Variants in PAK2 observed in about 807,000 individuals in gnomAD.
The protein encoded by PAK2 is serine/threonine-protein kinase PAK 2.
PAK2 carries 21 observed loss-of-function variants against 65.9 expected under a neutral mutation model. The observed-to-expected ratio is 0.32, with a 90% CI of 0.23 to 0.46. The LOEUF is 0.46. PAK2 is among the 20% of genes least tolerant of loss of function. PAK2 has a pLI of 1.00. For synonymous variants in PAK2, 204 were observed against 219.7 expected (o/e 0.93, Z 0.63); for missense variants, 324 against 642.6 (o/e 0.50, Z 5.36).
chr3:196,825,032 A>G lies in PAK2; in HGVS notation c.1351-2164A>G, dbSNP rs138413168. The stretch of plus-strand genomic sequence containing the variant: ...AATTTTCTGTAAACCTAAAACTTCT[A>G]AAAAATTAGTCAGTTAAAAATAATA... On this transcript the variant is annotated intron_variant, in intron 13 of 14. Transcript: ENST00000327134. 2.0e-5 allele frequency among the ~76,000 whole-genome samples: 3 copies of G among 151,944 alleles called. No individual in the cohort carries two copies. The East Asian group carries it at 5.8e-4, about 29-fold the overall frequency.
At position 196,805,402 on chromosome 3, in the gene PAK2, TTCTTGTATC is replaced by T. The variant is rs1715554580; in HGVS notation, c.468+26_468+34del. Reference sequence around the variant, plus strand: ...ACCAGCAGTAAGTTAATTATATTATTTCTTGTATCTCTTGTTCTAATTTAGGTTACCCAA... The same window carrying T: ...ACCAGCAGTAAGTTAATTATATTATTTCTTGTTCTAATTTAGGTTACCCAA... On this transcript the variant is annotated intron_variant, in intron 5 of 14. Coordinates refer to ENST00000327134, the MANE Select transcript of PAK2 (RefSeq NM_002577.4). 1.6e-6 allele frequency: 2 copies of T among 1,214,316 alleles called. No homozygotes were observed. Among genetic ancestry groups the T allele is most frequent in the African/African-American group, 3.1e-5 (2 of 63,762 alleles). 75.2% of individuals were successfully genotyped at this position (1,214,316 alleles called of 1,614,324 possible).
chr3:196,807,538 C>G (rs890474780), intron 6 of PAK2, among the ~76,000 whole-genome samples: 22 of 152,142 alleles, frequency 1.4e-4, no homozygotes, highest in African/African-American at 5.3e-4. Flanking sequence ...AAATTTCATT[C>G]ATGGACCTGC....
chr3:196,803,992 C>T (rs940297375), intron 4 of PAK2, among the ~76,000 whole-genome samples: 1 of 152,178 alleles, frequency 6.6e-6, no homozygotes, highest in African/African-American at 2.4e-5. Flanking sequence ...GGCTTCCCCT[C>T]CCACACACTG....
intron 4 of PAK2, among the ~76,000 whole-genome samples, chr3:196,803,795 C>T (rs73891513): frequency 6.6e-6 from 1 of 152,134 alleles, no homozygotes; most frequent in Admixed American, 6.6e-5. Context: ...GTTTGATGTA[C>T]TTTGTTTTCC....
At chr3:196,816,683 G>A (rs1454890607) in intron 11 of PAK2, among the ~76,000 whole-genome samples, 1 of 152,138 alleles carries the variant, frequency 6.6e-6, no homozygotes. Context: ...GATTTTGGAT[G>A]AGATTTTTAG....
At chr3:196,767,667 T>C (rs1016783707) in intron 1 of PAK2, among the ~76,000 whole-genome samples, 1 of 151,982 alleles carries the variant, frequency 6.6e-6, no homozygotes, top group Non-Finnish European at 1.5e-5. Flanking sequence ...TTTTTCTGTG[T>C]GTGCTTTTAG....
chr3:196,788,169 T>C (rs1215657021), intron 2 of PAK2, among the ~76,000 whole-genome samples: 2 of 152,226 alleles, frequency 1.3e-5, no homozygotes, highest in East Asian at 3.8e-4. Context: ...TCGGTTTTGG[T>C]GTAGAAGGGA....
chr3:196,747,941 T>C (rs1713445276), intron 1 of PAK2, among the ~76,000 whole-genome samples: 2 of 152,298 alleles, frequency 1.3e-5, no homozygotes, highest in South Asian at 4.1e-4. Flanking sequence ...AGATCTTTCA[T>C]GATCACCTCT....
At chr3:196,792,455 C>G (rs1265607113) in intron 2 of PAK2, among the ~76,000 whole-genome samples, 1 of 152,076 alleles carries the variant, frequency 6.6e-6, no homozygotes. Context: ...TAACAGTTTC[C>G]TTTCCCTCTG....
At chr3:196,767,752 C>T (rs377591618) in intron 1 of PAK2, among the ~76,000 whole-genome samples, 106 of 152,222 alleles carry the variant, frequency 7.0e-4, no homozygotes, top group African/African-American at 2.4e-3. Flanking sequence ...CTTCGGCCTC[C>T]CAGAGTGCTG....
intron 2 of PAK2, among the ~76,000 whole-genome samples, chr3:196,785,829 A>AACTCCCC (rs1714871098): frequency 6.6e-6 from 1 of 152,016 alleles, no homozygotes; most frequent in South Asian, 2.1e-4. Context: ...TGTGCAGGGA[A>AACTCCCC]ACTCCCCCTT....
chr3:196,778,297 A>T (rs541823353), intron 1 of PAK2, among the ~76,000 whole-genome samples: 5 of 152,094 alleles, frequency 3.3e-5, no homozygotes, highest in African/African-American at 1.2e-4. Context: ...TCATCAGTTG[A>T]TGGATATTTG....
intron 1 of PAK2, among the ~76,000 whole-genome samples, chr3:196,763,442 C>A (rs2108722699): frequency 6.6e-6 from 1 of 152,204 alleles, no homozygotes; most frequent in Middle Eastern, 3.4e-3. Flanking sequence ...ATCGACAAAG[C>A]TTAGCATCGT....
chr3:196,777,730 T>A (rs968082166), intron 1 of PAK2, among the ~76,000 whole-genome samples: 2 of 152,212 alleles, frequency 1.3e-5, no homozygotes, highest in African/African-American at 4.8e-5. Context: ...TACGTGTTGG[T>A]CTTTCTCCAG....
chr3:196,747,875 G>A (rs1366359354), intron 1 of PAK2, among the ~76,000 whole-genome samples: 1 of 151,970 alleles, frequency 6.6e-6, no homozygotes, highest in African/African-American at 2.4e-5. Flanking sequence ...TCTCACGTTG[G>A]GACCTTTAGA....
intron 1 of PAK2, among the ~76,000 whole-genome samples, chr3:196,745,275 C>G (rs1374583547): frequency 1.4e-5 from 2 of 146,556 alleles, no homozygotes; most frequent in Non-Finnish European, 3.0e-5. Context: ...ACCATCGCAC[C>G]CAACTGATTT....
intron 1 of PAK2, among the ~76,000 whole-genome samples, chr3:196,772,745 CTT>C (rs1714398602): frequency 6.9e-6 from 1 of 145,480 alleles, no homozygotes; most frequent in South Asian, 2.1e-4. Context: ...ATCTGAGGCT[CTT>C]TTGTGTTTTT....
At chr3:196,801,160 C>T (rs986654159) in intron 2 of PAK2, among the ~76,000 whole-genome samples, 17 of 152,184 alleles carry the variant, frequency 1.1e-4, no homozygotes, top group African/African-American at 3.6e-4. Flanking sequence ...GTTTTGTCAA[C>T]TACTTGTCTT....
Position 196,773,025 on chromosome 3 carries a change from G to A in PAK2, c.-21-9601G>A, listed in dbSNP as rs897770784. ...GTAATCTCCACTATTTGGGCTGACC[G>A]GTTCCAGATACCACTCCGCTGTTCG... On this transcript the variant is annotated intron_variant, in intron 1 of 14. Coordinates refer to ENST00000327134, the MANE Select transcript of PAK2 (RefSeq NM_002577.4). Among the ~76,000 whole-genome samples, 7 of 152,290 alleles carry A rather than the reference G, an allele frequency of 4.6e-5. No homozygotes were observed. The East Asian group carries it at 1.2e-3, about 25-fold the overall frequency.
Sources: allele counts gnomAD v4.1 joint callset (sites outside exome capture counted in the v4.1 genomes callset), GRCh38; gene constraint gnomAD v4.1.1; transcripts MANE v1.5; gene names NCBI Gene and HGNC (gene_info 2026-07-23, HGNC 2026-07-21).